The following PCNT variants were observed in gnomAD, a reference collection of about 807,000 sequenced individuals.
PCNT encodes the protein kendrin.
PCNT carries 319 observed loss-of-function variants against 380.4 expected under a neutral mutation model. The ratio of observed to expected loss-of-function variants is 0.84; its 90% CI spans 0.77 to 0.92. The LOEUF (loss-of-function observed/expected upper bound fraction) is 0.92, where lower values mean the gene tolerates loss of function less well. Ranked by LOEUF, PCNT falls within the 40% of genes least tolerant of loss-of-function variation. The probability of loss-of-function intolerance (pLI) is 0.00; values close to 1 mark genes in which losing one functional copy is unlikely to be tolerated. For synonymous variants in PCNT, 1,845 were observed against 1,735.2 expected (o/e 1.06, Z -1.57); for missense variants, 4,400 against 4,255.3 (o/e 1.03, Z -0.95).
chr21:46,411,834 T>C lies in PCNT; in HGVS notation c.5761T>C (p.Trp1921Arg), dbSNP rs779510474. The C allele has an allele frequency of 6.4e-7, 1 of 1,564,902 alleles. No homozygotes were observed. The highest frequency in any genetic ancestry group is 2.3e-5 in the East Asian group (1 of 42,610). ...AAGAAPPELQ[W>R]LRAQCARLSR... ...CGGGGCGGCGCCTCCCGAGCTGCAG[T>C]GGCTCCGAGCGCAGTGTGCCCGCCT... The change falls in exon 28 of 47, where the codon TGG (tryptophan) becomes CGG (arginine). Residue 1921 changes from tryptophan (W) to arginine (R), a missense_variant. By Grantham distance (101) the Trp-to-Arg change is moderately radical (BLOSUM62 -3). Coordinates refer to ENST00000359568, the MANE Select transcript of PCNT (RefSeq NM_006031.6).
At chr21:46,424,137 G>A (rs1257085242) in intron 32 of PCNT, among the ~76,000 whole-genome samples, 5 of 152,162 alleles carry the variant, frequency 3.3e-5, no homozygotes, top group Non-Finnish European at 2.9e-5. Context: ...AGCCACAGAC[G>A]CCAAGAGTGT....
rs62224223 is a variant in PCNT at position 46,401,363 on chromosome 21, G to C, written c.4792-188G>C. On this transcript the variant is annotated intron_variant, in intron 25 of 46. Transcript: ENST00000359568. Reference sequence around the variant, plus strand: ...CTCAGTCACGTCCTGCACCAGGCAGGCCTCTGCTGGGAGGTGGCTGGGTCC... The same window carrying C: ...CTCAGTCACGTCCTGCACCAGGCAGCCCTCTGCTGGGAGGTGGCTGGGTCC... Among the ~76,000 whole-genome samples, 775 of 152,320 alleles carry C rather than the reference G, an allele frequency of 5.1e-3. 3 individuals are homozygous for C. Among genetic ancestry groups the C allele is most frequent in the Non-Finnish European group, 8.9e-3 (605 of 68,032 alleles).
Position 46,381,722 on chromosome 21 carries a change from CT to C in PCNT, c.3197del (p.Leu1066CysfsTer40). On this transcript the variant is annotated frameshift_variant, in exon 16 of 47. Coordinates refer to ENST00000359568, the MANE Select transcript of PCNT (RefSeq NM_006031.6). LOFTEE classifies it high-confidence loss of function. ...QGEFGSEKKT[A>X]LHEKEETLRL... is the part of the protein sequence containing the mutation. ...GAATTTGGAAGTGAAAAGAAAACTG[CT>C]TTGCATGAAAAAGAGGAGACACTTC... The C allele has an allele frequency of 6.2e-7, 1 of 1,614,056 alleles. No individual in the cohort carries two copies. Among genetic ancestry groups the C allele is most frequent in the East Asian group, 2.2e-5 (1 of 44,892 alleles).
rs745322520 is a variant in PCNT, at chr21:46,349,696, A to G, written c.1220A>G (p.Asn407Ser). Residue 407 changes from asparagine (N) to serine (S), a missense_variant, in exon 8 of 47, where the codon AAC becomes AGC. Transcript: ENST00000359568. ...TTTACCTTTCTAGGGGCCCTTAGGA[A>G]CCTGGAGAGTCATCATCAAGCAGCC... ...DKNQAERALR[N>S]LESHHQAAIE... The G allele has an allele frequency of 1.2e-6, 2 of 1,614,048 alleles. No individual in the cohort carries two copies. Among genetic ancestry groups the G allele is most frequent in the Admixed American group, 1.7e-5 (1 of 60,018 alleles).
chr21:46,404,045 C>T (rs1430578624), intron 27 of PCNT, among the ~76,000 whole-genome samples: 1 of 135,560 alleles, frequency 7.4e-6, no homozygotes, highest in Admixed American at 7.1e-5. Context: ...GCCCACGTGG[C>T]GCGTGCTCGG....
intron 15 of PCNT, among the ~76,000 whole-genome samples, chr21:46,367,585 G>A (rs1260513427): frequency 6.6e-6 from 1 of 152,172 alleles, no homozygotes; most frequent in East Asian, 1.9e-4. Flanking sequence ...GGGATTACAG[G>A]TATGAGCCAC....
intron 34 of PCNT, 45 bp from the exon 35 acceptor site, chr21:46,428,350 G>A (rs759951072): frequency 1.9e-6 from 3 of 1,568,008 alleles, no homozygotes; most frequent in Non-Finnish European, 2.6e-6. Context: ...CGGGGCATGG[G>A]GTGGCTGCCC....
At chr21:46,409,077 T>C (rs1220393013) in intron 27 of PCNT, among the ~76,000 whole-genome samples, 1 of 152,146 alleles carries the variant, frequency 6.6e-6, no homozygotes, top group Non-Finnish European at 1.5e-5. Flanking sequence ...TTGGGAATTC[T>C]TTATATCTTT....
chr21:46,401,321 G>A (rs533730512), intron 25 of PCNT, among the ~76,000 whole-genome samples: 60 of 152,118 alleles, frequency 3.9e-4, no homozygotes, highest in African/African-American at 1.4e-3. Flanking sequence ...CAGTGGACTC[G>A]GGCACAGGCT....
chr21:46,443,363 A>C (rs965194033), intron 44 of PCNT, among the ~76,000 whole-genome samples: 10 of 152,216 alleles, frequency 6.6e-5, no homozygotes, highest in Non-Finnish European at 1.3e-4. Flanking sequence ...GACTGTGGGC[A>C]TGAGCACTGC....
chr21:46,400,036 A>G (rs939810077), intron 25 of PCNT, among the ~76,000 whole-genome samples: 4 of 152,198 alleles, frequency 2.6e-5, no homozygotes, highest in Admixed American at 1.3e-4. Flanking sequence ...CAATTTCTTT[A>G]TGTCTCAAGA....
In PCNT at chr21:46,355,640, G is replaced by A. The variant is rs370847709; in HGVS notation, c.1936+14G>A. 16 of 1,612,374 alleles carry A rather than the reference G, an allele frequency of 9.9e-6. No individual in the cohort carries two copies. The highest frequency in any genetic ancestry group is 6.7e-5 in the African/African-American group (5 of 74,886). On this transcript the variant is annotated intron_variant, in intron 12 of 46. Coordinates refer to ENST00000359568, the MANE Select transcript of PCNT (RefSeq NM_006031.6). ...GGCACAGCCAAGGTGGGCCCCTCCC[G>A]CCTCGCCATGGTGTCGGCAGGTCCC...
Position 46,416,811 on chromosome 21 carries a change from A to G in PCNT, c.6893A>G (p.Asp2298Gly). The G allele has an allele frequency of 6.3e-7, 1 of 1,598,636 alleles. No individual in the cohort carries two copies. The highest frequency in any genetic ancestry group is 8.5e-7 in the Non-Finnish European group (1 of 1,179,480). ...ALQWAESPPADDHHVQRTAVE... is the reference protein window; with the variant it reads ...ALQWAESPPAGDHHVQRTAVE... Reference sequence around the variant, plus strand: ...CAGTGGGCCGAGTCTCCGCCGGCTGACGACCACCATGTGCAGAGGACGGCT... The same window carrying G: ...CAGTGGGCCGAGTCTCCGCCGGCTGGCGACCACCATGTGCAGAGGACGGCT... Residue 2298 changes from aspartate to glycine, a missense_variant, in exon 30 of 47, where the codon GAC becomes GGC. Physicochemically the swap from Asp to Gly is moderately conservative, Grantham distance 94. Transcript: ENST00000359568.
At chr21:46,334,259 C>A in intron 2 of PCNT, 138 bp from the exon 3 acceptor site, 1 of 1,153,420 alleles carries the variant, frequency 8.7e-7, no homozygotes, top group South Asian at 1.3e-5. Context: ...GGAAGGTGCA[C>A]GTTCTGAACA....
chr21:46,402,088 G>T (rs1000876038), intron 26 of PCNT, among the ~76,000 whole-genome samples: 1 of 152,050 alleles, frequency 6.6e-6, no homozygotes, highest in African/African-American at 2.4e-5. Context: ...TCCTGACCTC[G>T]GGTGATCTGC....
chr21:46,347,529 C>G lies in PCNT; in HGVS notation c.1032+17C>G, dbSNP rs1372407602. 2 of 1,611,542 alleles carry G rather than the reference C, an allele frequency of 1.2e-6. No individual in the cohort carries two copies. Among genetic ancestry groups the G allele is most frequent in the Non-Finnish European group, 1.7e-6 (2 of 1,177,788 alleles). ...ATAGTAAAGGTACCCGGGATCGATT[C>G]TAAAATGCACGCCTCTGTGTATGTT... On this transcript the variant is annotated intron_variant, in intron 6 of 46. Transcript: ENST00000359568.
rs148152512 is a variant in PCNT at position 46,407,982 on chromosome 21, T to G, written c.5116-3207T>G. ...GGTCATTGATTATAGATACTTATTT[T>G]TCAGTATAACAATTTAAGTTTTTTG... On this transcript the variant is annotated intron_variant, in intron 27 of 46. Transcript: ENST00000359568. Among the ~76,000 whole-genome samples, 10 of 152,368 alleles carry G rather than the reference T, an allele frequency of 6.6e-5. No individual in the cohort carries two copies. The East Asian group carries it at 1.5e-3, about 23-fold the overall frequency.
intron 27 of PCNT, among the ~76,000 whole-genome samples, chr21:46,403,064 C>T (rs920570399): frequency 6.6e-6 from 1 of 152,270 alleles, no homozygotes; most frequent in Non-Finnish European, 1.5e-5. Flanking sequence ...CATAACTTCA[C>T]AGATGCCCTT....
In PCNT at chr21:46,363,890, C is replaced by A. The variant is rs1042019863; in HGVS notation, c.2565C>A (p.His855Gln). 6.2e-7 allele frequency: 1 copy of A among 1,611,848 alleles called. No homozygotes were observed. Among genetic ancestry groups the A allele is most frequent in the African/African-American group, 1.3e-5 (1 of 75,040 alleles). Reference sequence around the variant, plus strand: ...AGGACGGGGAGCTTGCTGCGCTCCACGTGAAGGAAGACTGCGCCCTGCAGC... The same window carrying A: ...AGGACGGGGAGCTTGCTGCGCTCCAAGTGAAGGAAGACTGCGCCCTGCAGC... ...TAQDGELAAL[H>Q]VKEDCALQLM... The change falls in exon 14 of 47, where the codon CAC becomes CAA. Residue 855 changes from histidine (H) to glutamine (Q), a missense_variant. By Grantham distance (24) the His-to-Gln change is conservative. Transcript: ENST00000359568.
Sources: gnomAD v4.1 joint callset for allele counts (sites outside exome capture counted in the v4.1 genomes callset) on GRCh38, gnomAD v4.1.1 for gene constraint, MANE v1.5 for transcripts, NCBI Gene and HGNC (gene_info 2026-07-23, HGNC 2026-07-21) for gene names.